Variants in HIPK1 observed in about 807,000 individuals in gnomAD.
HIPK1 encodes homeodomain-interacting protein kinase 1.
Under a neutral mutation model 117.1 loss-of-function variants are expected in HIPK1, and 28 were observed. The ratio of observed to expected loss-of-function variants is 0.24; its 90% CI spans 0.18 to 0.33. HIPK1 has a LOEUF of 0.33. HIPK1 is among the 10% of genes least tolerant of loss of function. The pLI is 1.00. For synonymous variants in HIPK1, 605 were observed against 562.5 expected (o/e 1.08, Z -1.07); for missense variants, 1,122 against 1,475.1 (o/e 0.76, Z 3.92).
rs1673001893 is a variant in HIPK1, at chr1:113,973,772, T to A, written c.*260T>A. 3 of 332,106 alleles carry A rather than the reference T, an allele frequency of 9.0e-6. No individual in the cohort carries two copies. The East Asian group carries it at 1.5e-4, about 17-fold the overall frequency. The allele number at this position is 332,106 out of a possible 1,614,324, so 20.6% of individuals were successfully genotyped here. On this transcript the variant is annotated 3_prime_UTR_variant, in exon 16 of 16. Coordinates refer to ENST00000426820, the MANE Select transcript of HIPK1 (RefSeq NM_198268.3). ...CAGTAATTTTGGTACTTGGAAGAGT[T>A]CAGATGCCCATCTTCTGCAGTTACC...
Position 113,940,669 on chromosome 1 carries a change from G to A in HIPK1, c.286G>A (p.Ala96Thr). The part of the protein sequence containing the change: ...VTAADSSGSA[A>T]TSTFQSSQTL... ...AGCCGCTGATAGCTCGGGCAGTGCT[G>A]CTACATCAACCTTCCAAAGCAGCCA... Residue 96 changes from alanine to threonine, a missense_variant, in exon 2 of 16, where the codon GCT becomes ACT. Transcript: ENST00000426820. The A allele has an allele frequency of 6.2e-7, 1 of 1,614,178 alleles. No individual in the cohort carries two copies.
At chr1:113,930,847 C>G (rs922867500) in intron 1 of HIPK1, 1 of 152,204 alleles carries the variant, frequency 6.6e-6, no homozygotes, top group Non-Finnish European at 1.5e-5. Flanking sequence ...GGGGGGAAAA[C>G]CCCCAAGCTC....
intron 1 of HIPK1, among the ~76,000 whole-genome samples, chr1:113,937,211 T>C (rs1211428560): frequency 2.0e-5 from 3 of 152,246 alleles, no homozygotes; most frequent in Non-Finnish European, 4.4e-5. Flanking sequence ...AAATCTCAAC[T>C]GAGTTTTAGA....
intron 2 of HIPK1, among the ~76,000 whole-genome samples, chr1:113,947,094 T>G (rs182475479): frequency 6.6e-6 from 1 of 152,354 alleles, no homozygotes; most frequent in African/African-American, 2.4e-5. Flanking sequence ...TAGTTTACCT[T>G]GCTTTGTCTT....
chr1:113,966,090 G>A (rs774653990), intron 10 of HIPK1, 40 bp from the exon 11 acceptor site: 1 of 1,574,074 alleles, frequency 6.4e-7, no homozygotes, highest in Non-Finnish European at 8.6e-7. Flanking sequence ...AGCCAAGAAT[G>A]AATCAAGTCT....
At chr1:113,957,857 T>G (rs1361301419) in intron 7 of HIPK1, among the ~76,000 whole-genome samples, 3 of 149,730 alleles carry the variant, frequency 2.0e-5, no homozygotes, top group African/African-American at 7.4e-5. Context: ...GACCATTCGT[T>G]TTTTTTTTTT....
At chr1:113,950,218 C>T (rs952899605) in intron 2 of HIPK1, among the ~76,000 whole-genome samples, 1 of 152,046 alleles carries the variant, frequency 6.6e-6, no homozygotes, top group Non-Finnish European at 1.5e-5. Context: ...TTCCCTCAAC[C>T]CCCTGCACAT....
intron 2 of HIPK1, among the ~76,000 whole-genome samples, chr1:113,945,480 G>T (rs946726947): frequency 6.6e-6 from 1 of 152,072 alleles, no homozygotes; most frequent in African/African-American, 2.4e-5. Context: ...CTTATATTTT[G>T]GTCTTTGATT....
At position 113,967,952 on chromosome 1, in the gene HIPK1, A is replaced by C; in HGVS notation, c.2564+4A>C. 1 of 1,601,904 alleles carries C rather than the reference A, an allele frequency of 6.2e-7. No individual in the cohort carries two copies. Among genetic ancestry groups the C allele is most frequent in the South Asian group, 1.1e-5 (1 of 88,732 alleles). On this transcript the variant is annotated splice_donor_region_variant and intron_variant, in intron 12 of 15. Transcript: ENST00000426820. ...AGTCAGCTCCAGTCTCTTCCAAGTGAGTCTGTGTTACAGCTGATAGTTAAA... is the reference window on the plus strand; with the variant it reads ...AGTCAGCTCCAGTCTCTTCCAAGTGCGTCTGTGTTACAGCTGATAGTTAAA...
rs570308811 is a variant in HIPK1, at chr1:113,953,241, A to G, written c.1200+352A>G. Among the ~76,000 whole-genome samples the G allele has an allele frequency of 2.3e-4, 35 of 152,326 alleles. No homozygotes were observed. In the South Asian group the frequency reaches 7.2e-3, roughly 32 times the overall value. Reference sequence around the variant, plus strand: ...ACTGGAATTTTAAAAGAGAACTTCTACTTACTCGGAGCTATTATAATTTAC... The same window carrying G: ...ACTGGAATTTTAAAAGAGAACTTCTGCTTACTCGGAGCTATTATAATTTAC... On this transcript the variant is annotated intron_variant, in intron 3 of 15. Coordinates refer to ENST00000426820, the MANE Select transcript of HIPK1 (RefSeq NM_198268.3).
chr1:113,945,441 T>A (rs962596090), intron 2 of HIPK1, among the ~76,000 whole-genome samples: 7 of 152,190 alleles, frequency 4.6e-5, no homozygotes, highest in Non-Finnish European at 7.3e-5. Flanking sequence ...TCCCCTATGT[T>A]TTCTGCTAAG....
At position 113,968,508 on chromosome 1, in the gene HIPK1, A is replaced by G. The variant is rs753237949; in HGVS notation, c.2631A>G (p.Thr877=). The change falls in exon 13 of 16, where the codon ACA becomes ACG. Residue 877 remains threonine (T), a synonymous_variant. Coordinates refer to ENST00000426820, the MANE Select transcript of HIPK1 (RefSeq NM_198268.3). ...TTGGGAGCAGTCCCCTCCGCACCACATCTTCTTATAATTCCTTGGTCCCTG... is the reference window on the plus strand; with the variant it reads ...TTGGGAGCAGTCCCCTCCGCACCACGTCTTCTTATAATTCCTTGGTCCCTG... ...SLVGSSPLRT[T]SSYNSLVPVQ... 2 of 1,614,004 alleles carry G rather than the reference A, an allele frequency of 1.2e-6. No homozygotes were observed. The highest frequency in any genetic ancestry group is 2.2e-5 in the South Asian group (2 of 91,086).
intron 9 of HIPK1, among the ~76,000 whole-genome samples, chr1:113,962,836 A>G (rs1234869573): frequency 8.6e-5 from 13 of 151,896 alleles, no homozygotes; most frequent in Admixed American, 7.2e-4. Context: ...CCTTTTGCTC[A>G]CTCTTTTAGA....
intron 12 of HIPK1, 36 bp downstream of exon 12, chr1:113,967,984 CCAG>C: frequency 6.4e-7 from 1 of 1,557,528 alleles, no homozygotes; most frequent in Non-Finnish European, 8.7e-7. Context: ...TAAAACTGTG[CCAG>C]TTTGAGAGAT....
At chr1:113,930,038 C>T (rs1393035390) in intron 1 of HIPK1, 1 of 984,508 alleles carries the variant, frequency 1.0e-6, no homozygotes, top group African/African-American at 1.7e-5. Flanking sequence ...CTGGAGCGCC[C>T]AGCCTGCCGG....
intron 11 of HIPK1, among the ~76,000 whole-genome samples, chr1:113,966,982 A>G (rs1259146954): frequency 6.6e-6 from 1 of 152,092 alleles, no homozygotes; most frequent in Non-Finnish European, 1.5e-5. Flanking sequence ...AAGTGAGAAC[A>G]TGTGGTTTGT....
At chr1:113,930,344 G>A (rs1057473243) in intron 1 of HIPK1, among the ~76,000 whole-genome samples, 2 of 152,368 alleles carry the variant, frequency 1.3e-5, no homozygotes, top group Non-Finnish European at 2.9e-5. Flanking sequence ...CATGGTTTTG[G>A]GTTATTTGTG....
At chr1:113,955,958 A>G (rs755347831) in intron 5 of HIPK1, among the ~76,000 whole-genome samples, 4 of 151,556 alleles carry the variant, frequency 2.6e-5, no homozygotes, top group Admixed American at 6.6e-5. Flanking sequence ...TTGAGCGCCT[A>G]TTATGTTACG....
At chr1:113,956,839 G>A (rs1316199163) in intron 6 of HIPK1, 28 bp downstream of exon 6, 3 of 1,602,020 alleles carry the variant, frequency 1.9e-6, no homozygotes, top group Non-Finnish European at 2.6e-6. Context: ...TGGGGCTTTT[G>A]CCATGTGGTT....
Sources: allele counts gnomAD v4.1 joint callset (sites outside exome capture counted in the v4.1 genomes callset), GRCh38; gene constraint gnomAD v4.1.1; transcripts MANE v1.5; gene names NCBI Gene and HGNC (gene_info 2026-07-23, HGNC 2026-07-21).